Variants in WDR11 observed in about 807,000 individuals in gnomAD.
WDR11 encodes the protein WD repeat-containing protein 11.
WDR11 carries 83 observed loss-of-function variants against 151.2 expected under a neutral mutation model. The ratio of observed to expected loss-of-function variants is 0.55; its 90% CI spans 0.46 to 0.66. WDR11 has a LOEUF of 0.66. Among genes scored for constraint, WDR11 ranks in the 30% least tolerant of loss-of-function variants. WDR11 has a pLI of 0.00. For missense variants in WDR11, 1,301 were observed against 1,480.9 expected, an observed-to-expected ratio of 0.88 and a Z score of 1.99; for synonymous variants, 484 against 533.1, an observed-to-expected ratio of 0.91 and a Z score of 1.27.
At chr10:120,904,907 C>T in intron 25 of WDR11, 96 bp downstream of exon 25, 1 of 1,433,300 alleles carries the variant, frequency 7.0e-7, no homozygotes, top group Non-Finnish European at 9.7e-7. Flanking sequence ...TTCTCTTTTA[C>T]ATATGCTGAA....
At chr10:120,904,523 C>T in intron 24 of WDR11, 123 bp from the exon 25 acceptor site, 1 of 1,235,392 alleles carries the variant, frequency 8.1e-7, no homozygotes, top group Admixed American at 2.0e-5. Context: ...TATTTGTAAA[C>T]AAAATATTCA....
intron 11 of WDR11, among the ~76,000 whole-genome samples, chr10:120,875,760 C>T (rs1846749643): frequency 6.6e-6 from 1 of 152,072 alleles, no homozygotes; most frequent in African/African-American, 2.4e-5. Context: ...CCACCTCAGC[C>T]TCCCAAAGTG....
chr10:120,874,222 GTTTTGT>G (rs1564703415), intron 11 of WDR11, among the ~76,000 whole-genome samples: 1 of 100,606 alleles, frequency 9.9e-6, no homozygotes, highest in Non-Finnish European at 2.0e-5. Flanking sequence ...GTTTTGTTTT[GTTTTGT>G]TTTTTTTAAA....
At chr10:120,871,596 T>C (rs1590073668) in intron 10 of WDR11, among the ~76,000 whole-genome samples, 1 of 152,218 alleles carries the variant, frequency 6.6e-6, no homozygotes, top group South Asian at 2.1e-4. Flanking sequence ...TCTCTGACGC[T>C]GTCCATTCAT....
chr10:120,868,686 G>C (rs1846405492), intron 9 of WDR11: 1 of 152,158 alleles, frequency 6.6e-6, no homozygotes, highest in Non-Finnish European at 1.5e-5. Flanking sequence ...GCCCAAGTGT[G>C]ACCCGGGTAA....
At chr10:120,894,792 C>T (rs979556027) in intron 19 of WDR11, among the ~76,000 whole-genome samples, 1 of 152,184 alleles carries the variant, frequency 6.6e-6, no homozygotes, top group African/African-American at 2.4e-5. Context: ...ACTGCTTTTG[C>T]ATTCTAATTG....
intron 1 of WDR11, 37 bp from the exon 2 acceptor site, chr10:120,852,487 G>T (rs773482751): frequency 6.3e-7 from 1 of 1,574,860 alleles, no homozygotes; most frequent in Non-Finnish European, 8.7e-7. Flanking sequence ...GTCCTGCTTT[G>T]TTCTGTACTT....
At chr10:120,871,400 G>A in intron 10 of WDR11, 54 bp downstream of exon 10, 2 of 1,545,844 alleles carry the variant, frequency 1.3e-6, no homozygotes, top group Non-Finnish European at 1.8e-6. Context: ...AGATGTTTAG[G>A]TTTTCTAGTT....
chr10:120,858,846 G>A (rs759164441), intron 3 of WDR11, 50 bp downstream of exon 3: 50 of 1,611,650 alleles, frequency 3.1e-5, no homozygotes, highest in Non-Finnish European at 3.9e-5. Context: ...ACTTACTCTT[G>A]GAGTGGTTTT....
At position 120,890,009 on chromosome 10, in the gene WDR11, G is replaced by T; in HGVS notation, c.2343G>T (p.Glu781Asp). Residue 781 changes from glutamate to aspartate, a missense_variant and splice_region_variant, in exon 18 of 29, where the codon GAG becomes GAT. Glu to Asp is a conservative substitution (Grantham distance 45, BLOSUM62 2). Transcript: ENST00000263461. ...NDGAEVWDTKEVQMVSSLRSG... is the reference protein window; with the variant it reads ...NDGAEVWDTKDVQMVSSLRSG... The stretch of plus-strand genomic sequence containing the variant: ...GAGCTGAAGTGTGGGATACTAAAGA[G>T]GTAGGCCCTCTCCATGAGGATAAAA... The T allele has an allele frequency of 9.5e-6, 15 of 1,585,002 alleles. No individual in the cohort carries two copies. Among genetic ancestry groups the T allele is most frequent in the Non-Finnish European group, 1.3e-5 (15 of 1,153,804 alleles).
intron 1 of WDR11, chr10:120,852,062 A>G: frequency 4.4e-6 from 1 of 227,528 alleles, no homozygotes; most frequent in Non-Finnish European, 8.7e-6. Flanking sequence ...AAAACTACTC[A>G]TTAGACAAAT....
chr10:120,903,984 A>G, intron 23 of WDR11, 63 bp from the exon 24 acceptor site: 1 of 1,165,670 alleles, frequency 8.6e-7, no homozygotes, highest in East Asian at 2.4e-5. Context: ...AAGTACAGTA[A>G]AATTTAAATA....
chr10:120,885,843 C>T lies in WDR11; in HGVS notation c.1878C>T (p.Ser626=). 6.2e-7 allele frequency: 1 copy of T among 1,613,770 alleles called. No individual in the cohort carries two copies. The highest frequency in any genetic ancestry group is 1.3e-5 in the African/African-American group (1 of 74,992). ...LEWSPSHNLK[S]LRKKQLATRE... is the part of the protein sequence containing the mutation. ...GGTCACCATCTCACAACTTGAAGAGCCTGAGAAAGAAGCAACTTGCAACTC... is the reference window on the plus strand; with the variant it reads ...GGTCACCATCTCACAACTTGAAGAGTCTGAGAAAGAAGCAACTTGCAACTC... The change falls in exon 15 of 29, where the codon AGC becomes AGT. Residue 626 remains serine, a synonymous_variant. Transcript: ENST00000263461.
At chr10:120,880,208 G>A (rs1341199065) in intron 12 of WDR11, 3 of 152,044 alleles carry the variant, frequency 2.0e-5, no homozygotes, top group Non-Finnish European at 2.9e-5. Context: ...ACTTAACATT[G>A]TTTTTTTAAA....
intron 12 of WDR11, 145 bp downstream of exon 12, chr10:120,878,604 T>C (rs911664581): frequency 8.9e-6 from 6 of 670,406 alleles, no homozygotes; most frequent in Non-Finnish European, 1.5e-5. Context: ...CTCTAATAAT[T>C]GCCCTAGAAA....
At chr10:120,894,107 T>C (rs896265964) in intron 19 of WDR11, among the ~76,000 whole-genome samples, 3 of 151,812 alleles carry the variant, frequency 2.0e-5, no homozygotes, top group Non-Finnish European at 2.9e-5. Flanking sequence ...ATGTCCTGAA[T>C]GGTATTGCCT....
In WDR11 at chr10:120,862,951, T is replaced by C. The variant is rs900142419; in HGVS notation, c.713+30T>C. The C allele has an allele frequency of 2.1e-6, 3 of 1,398,306 alleles. No individual in the cohort carries two copies. The African/African-American group carries it at 4.2e-5, about 20-fold the overall frequency. 86.6% of individuals were successfully genotyped at this position (1,398,306 alleles called of 1,614,324 possible). A position where few individuals can be genotyped will look rare whatever the true frequency, so the allele number is the denominator to read the frequency against. ...GTTACAAGTGTAAAATTAACATTCA[T>C]CTACTTATCTGGTATGAAAGCATCA... On this transcript the variant is annotated intron_variant, in intron 5 of 28. Coordinates refer to ENST00000263461, the MANE Select transcript of WDR11 (RefSeq NM_018117.12).
At chr10:120,875,649 C>T (rs2133766279) in intron 11 of WDR11, among the ~76,000 whole-genome samples, 1 of 152,164 alleles carries the variant, frequency 6.6e-6, no homozygotes, top group East Asian at 1.9e-4. Flanking sequence ...GGACTACAGG[C>T]ACGTGCCACC....
chr10:120,862,128 T>TTG (rs1420878082), intron 4 of WDR11, among the ~76,000 whole-genome samples: 10 of 151,040 alleles, frequency 6.6e-5, no homozygotes, highest in African/African-American at 2.4e-4. Context: ...TGTTTGTTTG[T>TTG]TTTTTGTTTT....
Sources: allele counts gnomAD v4.1 joint callset (sites outside exome capture counted in the v4.1 genomes callset), GRCh38; gene constraint gnomAD v4.1.1; transcripts MANE v1.5; gene names NCBI Gene and HGNC (gene_info 2026-07-23, HGNC 2026-07-21).